The following PGK1 variants were observed in gnomAD, a reference collection of about 807,000 sequenced individuals.
PGK1 encodes PRP 2.
A neutral mutation model predicts 26.9 loss-of-function variants in PGK1; 3 were observed. That is an observed-to-expected ratio of 0.11 (90% confidence interval 0.05 to 0.29). The LOEUF (loss-of-function observed/expected upper bound fraction) is 0.29, where lower values mean the gene tolerates loss of function less well. Among genes scored for constraint, PGK1 ranks in the 10% least tolerant of loss-of-function variants. The pLI is 1.00. For missense variants in PGK1, 270 were observed against 314.7 expected (o/e 0.86, Z 1.07); for synonymous variants, 125 against 115.3 (o/e 1.08, Z -0.54).
Position 78,122,820 on chromosome X carries a change from T to TG in PGK1, c.642-14dup. On this transcript the variant is annotated splice_polypyrimidine_tract_variant and intron_variant, in intron 6 of 10. Coordinates refer to ENST00000373316, the MANE Select transcript of PGK1 (RefSeq NM_000291.4). ...CCATTCTTCTTTAAGTGATGATTCT[T>TG]GCTTTCTCTTGTAGAGCTAAAGTTG... The TG allele has an allele frequency of 1.0e-6, 1 of 997,284 alleles. No individual in the cohort carries two copies. Among genetic ancestry groups the TG allele is most frequent in the East Asian group, 3.0e-5 (1 of 32,885 alleles). The allele number at this position is 997,284 out of a possible 1,213,427, so 82.2% of individuals were successfully genotyped here. A position where few individuals can be genotyped will look rare whatever the true frequency, so the allele number is the denominator to read the frequency against.
In PGK1 at chrX:78,115,314, C is replaced by A. The variant is rs55781243; in HGVS notation, c.417+1154C>A. On this transcript the variant is annotated intron_variant, in intron 4 of 10. Transcript: ENST00000373316. ...TGACTTGACATTCACTATCTAATGG[C>A]TTTTAATACCTGAAATTTCAGGAGT... is the stretch of plus-strand genomic sequence containing the variant. Among the ~76,000 whole-genome samples, 409 of 111,045 alleles carry A rather than the reference C, an allele frequency of 3.7e-3. 1 individual carries two copies. The highest frequency in any genetic ancestry group is 6.3e-3 in the Non-Finnish European group (333 of 52,975).
chrX:78,104,283 G>C lies in PGK1; in HGVS notation c.-58G>C. 1.1e-6 allele frequency: 1 copy of C among 904,026 alleles called. No individual in the cohort carries two copies. The highest frequency in any genetic ancestry group is 2.0e-5 in the South Asian group (1 of 49,855). 74.5% of individuals were successfully genotyped at this position (904,026 alleles called of 1,213,427 possible). A position where few individuals can be genotyped will look rare whatever the true frequency, so the allele number is the denominator to read the frequency against. ...CTGCAAGCCTCCGGAGCGCACGTCG[G>C]CAGTCGGCTCCCTCGTTGACCGAAT... On this transcript the variant is annotated 5_prime_UTR_variant, in exon 1 of 11. Transcript: ENST00000373316.
chrX:78,123,954 A>G (rs782326999), intron 8 of PGK1, among the ~76,000 whole-genome samples: 2 of 111,573 alleles, frequency 1.8e-5, no homozygotes, highest in East Asian at 5.6e-4. Flanking sequence ...ATGTGTATTA[A>G]GTACTTACTG....
chrX:78,119,590 C>G (rs782740240), intron 6 of PGK1, among the ~76,000 whole-genome samples: 1 of 111,869 alleles, frequency 8.9e-6, no homozygotes, highest in African/African-American at 3.3e-5. Flanking sequence ...CCACCCAAAT[C>G]TCATCTCGAA....
In PGK1 at chrX:78,128,282, A is replaced by T. The variant is rs2078391868; in HGVS notation, c.*2452A>T. 1 of 113,644 alleles carries T rather than the reference A, an allele frequency of 8.8e-6. No homozygotes were observed. The highest frequency in any genetic ancestry group is 1.9e-5 in the Non-Finnish European group (1 of 53,522). 9.4% of individuals were successfully genotyped at this position (113,644 alleles called of 1,213,427 possible). A position where few individuals can be genotyped will look rare whatever the true frequency, so the allele number is the denominator to read the frequency against. ...TATAAGGGGCCGGGCATGGTGGCTT[A>T]CGCCTGTAATCCCAGGACTTTGGGA... On this transcript the variant is annotated 3_prime_UTR_variant, in exon 11 of 11. Coordinates refer to ENST00000373316, the MANE Select transcript of PGK1 (RefSeq NM_000291.4).
intron 6 of PGK1, among the ~76,000 whole-genome samples, chrX:78,122,068 G>A (rs945874654): frequency 2.7e-5 from 3 of 110,938 alleles, no homozygotes; most frequent in East Asian, 2.8e-4. Context: ...ATTATCCAGG[G>A]GTAGTGTTGT....
intron 1 of PGK1, 43 bp downstream of exon 1, chrX:78,104,448 C>G: frequency 2.9e-6 from 3 of 1,025,710 alleles, no homozygotes; most frequent in Non-Finnish European, 4.1e-6. Context: ...TGCTCTGTCG[C>G]AAACCTCTTT....
chrX:78,122,357 C>A (rs781972010), intron 6 of PGK1, among the ~76,000 whole-genome samples: 1 of 108,884 alleles, frequency 9.2e-6, no homozygotes, highest in African/African-American at 3.4e-5. Flanking sequence ...CTCTGGGATC[C>A]CACAATTAGC....
chrX:78,123,104 A>G (rs2078364525), intron 7 of PGK1, 91 bp from the exon 8 acceptor site: 2 of 775,901 alleles, frequency 2.6e-6, no homozygotes, highest in Non-Finnish European at 4.0e-6. Flanking sequence ...GTTCCTTTAT[A>G]TTGTATTGTG....
At chrX:78,105,792 C>T (rs942028842) in intron 1 of PGK1, among the ~76,000 whole-genome samples, 1 of 111,744 alleles carries the variant, frequency 8.9e-6, no homozygotes, top group Non-Finnish European at 1.9e-5. Context: ...ATGACATAGG[C>T]CTTTGTAATC....
chrX:78,125,150 G>T (rs2078376406), intron 9 of PGK1, 99 bp downstream of exon 9: 1 of 838,463 alleles, frequency 1.2e-6, no homozygotes. Context: ...CTTTATTCTG[G>T]GTAAATGTTA....
At chrX:78,120,715 C>T (rs971029504) in intron 6 of PGK1, among the ~76,000 whole-genome samples, 1 of 110,995 alleles carries the variant, frequency 9.0e-6, no homozygotes, top group Non-Finnish European at 1.9e-5. Flanking sequence ...AGGCTGGTCT[C>T]GAACTCTGGG....
Position 78,123,382 on chromosome X carries a change from A to G in PGK1, c.936+8A>G. On this transcript the variant is annotated splice_region_variant and intron_variant, in intron 8 of 10. Coordinates refer to ENST00000373316, the MANE Select transcript of PGK1 (RefSeq NM_000291.4). ...ATACCTGCTGGCTGGATGGTGAGTC[A>G]CTTGAGTGGGTTGGTAGTGTGAGTG... The G allele has an allele frequency of 1.7e-6, 2 of 1,190,880 alleles. No homozygotes were observed. The highest frequency in any genetic ancestry group is 3.6e-5 in the South Asian group (2 of 56,082).
At chrX:78,114,693 A>G (rs1557247294) in intron 4 of PGK1, among the ~76,000 whole-genome samples, 1 of 111,921 alleles carries the variant, frequency 8.9e-6, no homozygotes, top group East Asian at 2.8e-4. Context: ...TTTTTCTATA[A>G]ATGGCCAGAT....
chrX:78,123,965 C>G lies in PGK1; in HGVS notation c.936+591C>G, dbSNP rs571010022. ...TTTAATGTGTATTAAGTACTTACTG[C>G]GTACTGGAGATAGTGTCATGTACTT... On this transcript the variant is annotated intron_variant, in intron 8 of 10. Transcript: ENST00000373316. 3.6e-5 allele frequency among the ~76,000 whole-genome samples: 4 copies of G among 111,240 alleles called. No individual in the cohort carries two copies. In the South Asian group the frequency reaches 1.5e-3, roughly 42 times the overall value.
intron 1 of PGK1, among the ~76,000 whole-genome samples, chrX:78,108,390 G>A (rs1490435318): frequency 8.9e-6 from 1 of 112,483 alleles, no homozygotes; most frequent in Admixed American, 9.4e-5. Context: ...AGGCTGGCAG[G>A]CTCCTTGTTC....
Position 78,124,991 on chromosome X carries a change from A to G in PGK1, c.1054A>G (p.Thr352Ala), listed in dbSNP as rs1750130262. 1 of 1,209,868 alleles carries G rather than the reference A, an allele frequency of 8.3e-7. No individual in the cohort carries two copies. Residue 352 changes from threonine (T) to alanine (A), a missense_variant, in exon 9 of 11, where the codon ACC becomes GCC. Thr to Ala is a moderately conservative substitution (Grantham distance 58). Transcript: ENST00000373316. ...TGAATGGGAAGCTTTTGCCCGGGGA[A>G]CCAAAGCTCTCATGGATGAGGTGGT... is the stretch of plus-strand genomic sequence containing the variant. ...VFEWEAFARG[T>A]KALMDEVVKA... is the part of the protein sequence containing the mutation.
chrX:78,126,083 A>G lies in PGK1; in HGVS notation c.*253A>G, dbSNP rs1423282863. 4 of 397,685 alleles carry G rather than the reference A, an allele frequency of 1.0e-5. No homozygotes were observed. Among genetic ancestry groups the G allele is most frequent in the Non-Finnish European group, 1.8e-5 (4 of 227,439 alleles). The allele number at this position is 397,685 out of a possible 1,213,427, so 32.8% of individuals were successfully genotyped here. ...CCATTGTGCATTCTAGAGTGCATAT[A>G]TTTATATTTTGCCTGTTAAAAAGAA... is the stretch of plus-strand genomic sequence containing the variant. On this transcript the variant is annotated 3_prime_UTR_variant, in exon 11 of 11. Coordinates refer to ENST00000373316, the MANE Select transcript of PGK1 (RefSeq NM_000291.4).
intron 10 of PGK1, among the ~76,000 whole-genome samples, 167 bp downstream of exon 10, chrX:78,125,592 CGGGGAGGGACAGATAGAAACTT>C (rs2078379434): frequency 9.0e-6 from 1 of 110,997 alleles, no homozygotes; most frequent in Admixed American, 9.6e-5. Flanking sequence ...TCCACTGAGG[CGGGGAGGGACAGATAGAAACTT>C]GGTCTGAGAG....
Sources: gnomAD v4.1 joint callset for allele counts (sites outside exome capture counted in the v4.1 genomes callset) on GRCh38, gnomAD v4.1.1 for gene constraint, MANE v1.5 for transcripts, NCBI Gene and HGNC (gene_info 2026-07-23, HGNC 2026-07-21) for gene names.